Variants in KHDRBS2 observed in about 807,000 individuals in gnomAD.
KHDRBS2 encodes the protein KH RNA binding domain containing, signal transduction associated 2, also known as KH domain-containing, RNA-binding, signal transduction-associated protein 2.
In KHDRBS2, 26 loss-of-function variants were observed where a neutral mutation model predicts 44.3. The observed-to-expected ratio is 0.59, with a 90% CI of 0.43 to 0.81. The LOEUF is 0.81. Among genes scored for constraint, KHDRBS2 ranks in the 40% least tolerant of loss-of-function variants. KHDRBS2 has a pLI of 0.00. For missense variants in KHDRBS2, 476 were observed against 433.1 expected (o/e 1.10, Z -0.88); for synonymous variants, 194 against 151.1 (o/e 1.28, Z -2.08).
chr6:61,912,859 G>A (rs1806296012), intron 4 of KHDRBS2, among the ~76,000 whole-genome samples: 1 of 151,458 alleles, frequency 6.6e-6, no homozygotes, highest in African/African-American at 2.5e-5. Context: ...GGGAATGATT[G>A]TTGTTTTCTA....
chr6:61,696,167 A>G (rs1376306462), intron 8 of KHDRBS2, among the ~76,000 whole-genome samples: 1 of 152,006 alleles, frequency 6.6e-6, no homozygotes, highest in Admixed American at 6.6e-5. Context: ...TTTTAATAAA[A>G]ATTCAAGACT....
rs535447929 is a variant in KHDRBS2, at chr6:61,894,108, C to T, written c.810+527G>A. Among the ~76,000 whole-genome samples the T allele has an allele frequency of 2.0e-5, 3 of 152,130 alleles. No individual in the cohort carries two copies. In the East Asian group the frequency reaches 5.8e-4, roughly 29 times the overall value. On this transcript the variant is annotated intron_variant, in intron 6 of 8. Coordinates refer to ENST00000281156, the MANE Select transcript of KHDRBS2 (RefSeq NM_152688.4). ...CAGTAGATAGGAAGGGAGGGGGATGCTTGGAAACACTGCATTTTGTCTATT... is the reference window on the plus strand; with the variant it reads ...CAGTAGATAGGAAGGGAGGGGGATGTTTGGAAACACTGCATTTTGTCTATT...
At chr6:61,717,717 T>C (rs1204470514) in intron 7 of KHDRBS2, among the ~76,000 whole-genome samples, 2 of 152,138 alleles carry the variant, frequency 1.3e-5, no homozygotes, top group Admixed American at 6.6e-5. Flanking sequence ...GTAGACTCAG[T>C]ATCAAATATA....
At chr6:62,102,541 A>G (rs777031247) in intron 2 of KHDRBS2, among the ~76,000 whole-genome samples, 3 of 152,188 alleles carry the variant, frequency 2.0e-5, no homozygotes, top group Non-Finnish European at 4.4e-5. Context: ...CCACAGAATG[A>G]TGAGTGGGGT....
intron 4 of KHDRBS2, among the ~76,000 whole-genome samples, chr6:61,935,293 T>G (rs2127370432): frequency 6.6e-6 from 1 of 152,286 alleles, no homozygotes; most frequent in Admixed American, 6.5e-5. Flanking sequence ...CATTTATCCT[T>G]CTTTTTCCCC....
At chr6:61,578,575 T>C in the KHDRBS2 span, among the ~76,000 whole-genome samples, 2 of 152,194 alleles carry the variant, frequency 1.3e-5, no homozygotes, top group African/African-American at 4.8e-5. Flanking sequence ...TGCTTTTATC[T>C]GCCAGTAAAA....
rs567245779 is a variant in KHDRBS2 at position 62,152,960 on chromosome 6, C to T, written c.219+24225G>A. 2.0e-5 allele frequency among the ~76,000 whole-genome samples: 3 copies of T among 152,316 alleles called. No individual in the cohort carries two copies. In the South Asian group the frequency reaches 6.2e-4, roughly 32 times the overall value. ...ACAGCAGGGTAAAGATACAGCATCC[C>T]GGATCCACCTGATAGCATCGGGACT... is the stretch of plus-strand genomic sequence containing the variant. On this transcript the variant is annotated intron_variant, in intron 2 of 8. Coordinates refer to ENST00000281156, the MANE Select transcript of KHDRBS2 (RefSeq NM_152688.4).
At chr6:61,880,279 A>C (rs1800019983) in intron 6 of KHDRBS2, among the ~76,000 whole-genome samples, 1 of 152,032 alleles carries the variant, frequency 6.6e-6, no homozygotes, top group Non-Finnish European at 1.5e-5. Flanking sequence ...AAAAACTTAT[A>C]ATAGAAAAAA....
At chr6:61,655,988 T>C in the KHDRBS2 span, among the ~76,000 whole-genome samples, 1 of 152,078 alleles carries the variant, frequency 6.6e-6, no homozygotes, top group Non-Finnish European at 1.5e-5. Context: ...GAGCAGTAAC[T>C]GCCTAGAGAG....
chr6:61,952,817 G>A (rs547728996), intron 4 of KHDRBS2, among the ~76,000 whole-genome samples: 11 of 152,018 alleles, frequency 7.2e-5, no homozygotes, highest in Non-Finnish European at 1.5e-4. Context: ...AAATAAACGG[G>A]TAAAACAGTT....
intron 1 of KHDRBS2, among the ~76,000 whole-genome samples, chr6:62,257,767 C>T (rs1421146819): frequency 6.6e-6 from 1 of 152,034 alleles, no homozygotes; most frequent in Non-Finnish European, 1.5e-5. Flanking sequence ...ACTCAACCTG[C>T]TTCCCAATAA....
intron 3 of KHDRBS2, among the ~76,000 whole-genome samples, chr6:62,029,160 T>A (rs1426108456): frequency 6.6e-6 from 1 of 152,000 alleles, no homozygotes; most frequent in Non-Finnish European, 1.5e-5. Flanking sequence ...ATAACAATTA[T>A]CTAAACATAA....
chr6:61,690,872 GAAATTATA>G (rs1239507344), intron 8 of KHDRBS2, among the ~76,000 whole-genome samples: 1 of 152,002 alleles, frequency 6.6e-6, no homozygotes, highest in Non-Finnish European at 1.5e-5. Flanking sequence ...TACTGTAAGA[GAAATTATA>G]AAGATAATTA....
chr6:61,607,520 C>CAAAAAAAAAAAAAAAAAAAAAAAAAAA, the KHDRBS2 span, among the ~76,000 whole-genome samples: 1 of 41,096 alleles, frequency 2.4e-5, no homozygotes, highest in Non-Finnish European at 4.1e-5. Flanking sequence ...GAGTTCCAAG[C>CAAAAAAAAAAAAAAAAAAAAAAAAAAA]AAAAAAAAAA....
intron 2 of KHDRBS2, among the ~76,000 whole-genome samples, chr6:62,129,266 C>T (rs1005360427): frequency 9.9e-5 from 15 of 152,130 alleles, no homozygotes; most frequent in Non-Finnish European, 1.3e-4. Flanking sequence ...AGAAGACACA[C>T]TGCATTGCAT....
At chr6:62,102,213 G>A (rs1361667520) in intron 2 of KHDRBS2, among the ~76,000 whole-genome samples, 2 of 152,150 alleles carry the variant, frequency 1.3e-5, no homozygotes, top group East Asian at 3.9e-4. Context: ...TATAATTAGA[G>A]GGTTTCATAT....
the KHDRBS2 span, among the ~76,000 whole-genome samples, chr6:61,610,638 T>G: frequency 1.3e-5 from 2 of 152,176 alleles, no homozygotes; most frequent in South Asian, 4.1e-4. Context: ...AGTATTCTCA[T>G]GACACAGTAG....
intron 6 of KHDRBS2, among the ~76,000 whole-genome samples, chr6:61,750,499 CT>C (rs1337250887): frequency 2.6e-5 from 4 of 152,078 alleles, no homozygotes; most frequent in African/African-American, 9.7e-5. Context: ...CTTATATTTA[CT>C]GCATTATGTC....
At chr6:61,649,711 A>C in the KHDRBS2 span, among the ~76,000 whole-genome samples, 1 of 152,098 alleles carries the variant, frequency 6.6e-6, no homozygotes, top group African/African-American at 2.4e-5. Flanking sequence ...AACCATCACA[A>C]AATTCTTTCA....
Sources: allele counts gnomAD v4.1 joint callset (sites outside exome capture counted in the v4.1 genomes callset), GRCh38; gene constraint gnomAD v4.1.1; transcripts MANE v1.5; gene names NCBI Gene and HGNC (gene_info 2026-07-23, HGNC 2026-07-21).